The following FYB1 variants were observed in gnomAD, a reference collection of about 807,000 sequenced individuals.
FYB1 encodes the protein FYN-binding protein 1.
In FYB1, 41 loss-of-function variants were observed where a neutral mutation model predicts 94.1. The ratio of observed to expected loss-of-function variants is 0.44; its 90% CI spans 0.34 to 0.57. FYB1 has a LOEUF of 0.57. Ranked by LOEUF, FYB1 falls within the 20% of genes least tolerant of loss-of-function variation. The probability of loss-of-function intolerance (pLI) is 0.02; values close to 1 mark genes in which losing one functional copy is unlikely to be tolerated. For synonymous variants in FYB1, 367 were observed against 353.2 expected, an observed-to-expected ratio of 1.04 and a Z score of -0.44; for missense variants, 1,050 against 976.8, an observed-to-expected ratio of 1.07 and a Z score of -1.00.
intron 2 of FYB1, among the ~76,000 whole-genome samples, chr5:39,171,462 G>A (rs1002991028): frequency 1.3e-4 from 20 of 152,132 alleles, no homozygotes; most frequent in African/African-American, 4.8e-4. Context: ...GAAACTCTGG[G>A]TCTGGGGCCC....
chr5:39,167,573 G>A (rs1038177843), intron 2 of FYB1, among the ~76,000 whole-genome samples: 1 of 152,212 alleles, frequency 6.6e-6, no homozygotes, highest in Non-Finnish European at 1.5e-5. Flanking sequence ...CTTTGTAAAT[G>A]TTCCAGAGTA....
chr5:39,155,533 A>G (rs1252502190), intron 2 of FYB1, among the ~76,000 whole-genome samples: 1 of 152,214 alleles, frequency 6.6e-6, no homozygotes, highest in South Asian at 2.1e-4. Flanking sequence ...ATTTTTGGAT[A>G]TATCAGACTT....
At chr5:39,139,986 T>C (rs1438067524) in intron 4 of FYB1, 1 of 152,238 alleles carries the variant, frequency 6.6e-6, no homozygotes, top group Non-Finnish European at 1.5e-5. Flanking sequence ...AATTCTGGAT[T>C]TCTACTAACT....
intron 3 of FYB1, among the ~76,000 whole-genome samples, chr5:39,148,750 T>C (rs1742996778): frequency 6.6e-6 from 1 of 152,148 alleles, no homozygotes; most frequent in South Asian, 2.1e-4. Context: ...AAAAACCCTT[T>C]AAACTAACTA....
At chr5:39,235,162 GC>G (rs1488978952) in intron 1 of FYB1, among the ~76,000 whole-genome samples, 1 of 151,894 alleles carries the variant, frequency 6.6e-6, no homozygotes, top group Non-Finnish European at 1.5e-5. Context: ...AGTGTAGCTT[GC>G]GGGGTAGTGG....
chr5:39,133,006 C>A (rs1324148630), intron 9 of FYB1, among the ~76,000 whole-genome samples: 1 of 152,176 alleles, frequency 6.6e-6, no homozygotes, highest in African/African-American at 2.4e-5. Context: ...GTATATGTTG[C>A]ATAATTTATG....
intron 1 of FYB1, among the ~76,000 whole-genome samples, chr5:39,231,614 A>G (rs925220488): frequency 6.6e-6 from 1 of 152,188 alleles, no homozygotes; most frequent in African/African-American, 2.4e-5. Context: ...AAGAATGGGT[A>G]GGATTTCGTG....
intron 3 of FYB1, among the ~76,000 whole-genome samples, chr5:39,144,892 C>G (rs1561170314): frequency 6.6e-6 from 1 of 152,076 alleles, no homozygotes; most frequent in Non-Finnish European, 1.5e-5. Flanking sequence ...CAACTTAAAA[C>G]ACATATATGT....
intron 2 of FYB1, among the ~76,000 whole-genome samples, chr5:39,171,672 C>T (rs1006932194): frequency 5.3e-5 from 8 of 152,196 alleles, no homozygotes; most frequent in African/African-American, 1.9e-4. Context: ...TATATACTAT[C>T]GTCACCTCCC....
intron 11 of FYB1, among the ~76,000 whole-genome samples, chr5:39,127,031 C>T (rs1414625887): frequency 7.6e-6 from 1 of 130,964 alleles, no homozygotes; most frequent in Non-Finnish European, 1.5e-5. Context: ...GCACTCTAGC[C>T]TGGGCAACAA....
chr5:39,180,654 T>TTGCTGTTGC (rs576507442), intron 2 of FYB1, among the ~76,000 whole-genome samples: 2 of 152,192 alleles, frequency 1.3e-5, no homozygotes, highest in African/African-American at 4.8e-5. Flanking sequence ...GCTAATGCTG[T>TTGCTGTTGC]TGCTGCTGCC....
intron 1 of FYB1, among the ~76,000 whole-genome samples, chr5:39,210,780 G>A (rs1017474894): frequency 3.9e-5 from 6 of 152,220 alleles, no homozygotes; most frequent in Admixed American, 2.6e-4. Context: ...GGAGGCTGAT[G>A]TGGGAAGACC....
chr5:39,240,367 C>A (rs920123968), intron 1 of FYB1, among the ~76,000 whole-genome samples: 1 of 152,038 alleles, frequency 6.6e-6, no homozygotes, highest in African/African-American at 2.4e-5. Flanking sequence ...AAAAGAAAAT[C>A]TCAACAGAGT....
At chr5:39,141,004 T>C (rs1396766846) in intron 4 of FYB1, 91 bp downstream of exon 4, 2 of 826,196 alleles carry the variant, frequency 2.4e-6, no homozygotes, top group Non-Finnish European at 4.0e-6. Context: ...GTGATGATAA[T>C]GACCCATTAA....
chr5:39,252,802 A>G (rs951814557), intron 1 of FYB1, among the ~76,000 whole-genome samples: 2 of 152,208 alleles, frequency 1.3e-5, no homozygotes, highest in African/African-American at 4.8e-5. Context: ...TCTGGCTGCT[A>G]ATCACTTAAC....
chr5:39,125,081 GA>G (rs201248402), intron 12 of FYB1, among the ~76,000 whole-genome samples: 15 of 146,308 alleles, frequency 1.0e-4, no homozygotes, highest in South Asian at 6.5e-4. Flanking sequence ...AATTGAAGCA[GA>G]AAAAAAAAAC....
In FYB1 at chr5:39,215,502, C is replaced by A. The variant is rs779681674; in HGVS notation, c.-28+3941G>T. 3.2e-4 allele frequency among the ~76,000 whole-genome samples: 48 copies of A among 152,172 alleles called. 1 individual carries two copies. Among genetic ancestry groups the A allele is most frequent in the Middle Eastern group, 6.8e-3 (2 of 294 alleles). On this transcript the variant is annotated intron_variant, in intron 1 of 18. Coordinates refer to ENST00000512982, the MANE Select transcript of FYB1 (RefSeq NM_001465.6). Reference sequence around the variant, plus strand: ...GCACTTGCTGTGTGGTCCAACCCACCCTGCTGTGCTCCTCTCAGGGATCTT... The same window carrying A: ...GCACTTGCTGTGTGGTCCAACCCACACTGCTGTGCTCCTCTCAGGGATCTT...
intron 2 of FYB1, among the ~76,000 whole-genome samples, chr5:39,180,533 A>G (rs763670377): frequency 2.6e-5 from 4 of 152,222 alleles, no homozygotes; most frequent in African/African-American, 9.6e-5. Flanking sequence ...CAACCCAGGA[A>G]GACTATGTGG....
rs1300143800 is a variant in FYB1 at position 39,105,885 on chromosome 5, A to G, written c.*1558T>C. The G allele has an allele frequency of 1.3e-5, 2 of 152,146 alleles. No individual in the cohort carries two copies. Among genetic ancestry groups the G allele is most frequent in the Non-Finnish European group, 1.5e-5 (1 of 68,012 alleles). 9.4% of individuals were successfully genotyped at this position (152,146 alleles called of 1,614,324 possible). ...GGGGCCTCAGACACCCAAAATCTAT[A>G]TATTGACCAGTGGAAGTTGATGATT... On this transcript the variant is annotated 3_prime_UTR_variant, in exon 19 of 19. Coordinates refer to ENST00000512982, the MANE Select transcript of FYB1 (RefSeq NM_001465.6).
Sources: gnomAD v4.1 joint callset for allele counts (sites outside exome capture counted in the v4.1 genomes callset) on GRCh38, gnomAD v4.1.1 for gene constraint, MANE v1.5 for transcripts, NCBI Gene and HGNC (gene_info 2026-07-23, HGNC 2026-07-21) for gene names.